The following MGLL variants were observed in gnomAD, a reference collection of about 807,000 sequenced individuals.
MGLL encodes the protein monoglyceride lipase.
MGLL carries 7 observed loss-of-function variants against 29.1 expected under a neutral mutation model. The ratio of observed to expected loss-of-function variants is 0.24; its 90% CI spans 0.14 to 0.45. The LOEUF is 0.45. Ranked by LOEUF, MGLL falls within the 20% of genes least tolerant of loss-of-function variation. The probability of loss-of-function intolerance (pLI) is 0.99; values close to 1 mark genes in which losing one functional copy is unlikely to be tolerated. For synonymous variants in MGLL, 148 were observed against 168.3 expected (o/e 0.88, Z 0.93); for missense variants, 356 against 413.6 (o/e 0.86, Z 1.21).
intron 5 of MGLL, chr3:127,711,481 A>G (rs2075712485): frequency 2.6e-5 from 4 of 151,924 alleles, no homozygotes; most frequent in Admixed American, 2.0e-4. Context: ...CGGATCTCAC[A>G]CTTCTGCCTT....
At chr3:127,718,418 A>C (rs1253427329) in intron 5 of MGLL, among the ~76,000 whole-genome samples, 1 of 152,124 alleles carries the variant, frequency 6.6e-6, no homozygotes, top group African/African-American at 2.4e-5. Flanking sequence ...TAGAGGGAGG[A>C]GGTGGGCTCT....
chr3:127,763,685 T>C (rs2076805312), intron 3 of MGLL, among the ~76,000 whole-genome samples: 1 of 152,202 alleles, frequency 6.6e-6, no homozygotes, highest in Admixed American at 6.5e-5. Flanking sequence ...TCGGCCACTG[T>C]GGTCCTTCCC....
chr3:127,788,195 CAG>C (rs2077245386), intron 2 of MGLL, among the ~76,000 whole-genome samples: 1 of 152,194 alleles, frequency 6.6e-6, no homozygotes, highest in African/African-American at 2.4e-5. Context: ...CTGCCTGGTA[CAG>C]AGTTAGGCAT....
chr3:127,812,737 C>G (rs2077686003), intron 2 of MGLL, among the ~76,000 whole-genome samples: 1 of 152,162 alleles, frequency 6.6e-6, no homozygotes, highest in Non-Finnish European at 1.5e-5. Flanking sequence ...TCAGGGAGCC[C>G]ACATTTCTCT....
chr3:127,815,083 G>C (rs1385592415), intron 2 of MGLL, among the ~76,000 whole-genome samples: 3 of 152,174 alleles, frequency 2.0e-5, no homozygotes, highest in African/African-American at 7.2e-5. Flanking sequence ...TGTGGGGAGA[G>C]GGTGTAAGCT....
intron 6 of MGLL, among the ~76,000 whole-genome samples, chr3:127,706,849 A>C (rs1442943341): frequency 2.0e-5 from 3 of 152,210 alleles, no homozygotes; most frequent in African/African-American, 7.2e-5. Context: ...GGGAGGCTGA[A>C]GCCCATCTTT....
chr3:127,716,559 G>A (rs934057149), intron 5 of MGLL, among the ~76,000 whole-genome samples: 1 of 152,272 alleles, frequency 6.6e-6, no homozygotes, highest in Non-Finnish European at 1.5e-5. Flanking sequence ...TGATGAGCAA[G>A]AGGCTTGAGG....
chr3:127,764,765 T>C (rs2076827061), intron 3 of MGLL, among the ~76,000 whole-genome samples: 1 of 152,232 alleles, frequency 6.6e-6, no homozygotes, highest in Non-Finnish European at 1.5e-5. Context: ...AAACTGTGAC[T>C]GGAGTCAAAT....
intron 4 of MGLL, among the ~76,000 whole-genome samples, chr3:127,721,658 C>A (rs575835904): frequency 6.6e-6 from 1 of 152,136 alleles, no homozygotes; most frequent in South Asian, 2.1e-4. Context: ...AGGAGAGAGG[C>A]CTCACCTGTT....
At chr3:127,760,170 A>G (rs2076738344) in intron 3 of MGLL, among the ~76,000 whole-genome samples, 1 of 152,190 alleles carries the variant, frequency 6.6e-6, no homozygotes, top group African/African-American at 2.4e-5. Flanking sequence ...TGGGACATTG[A>G]GTTTGTGTGG....
At chr3:127,799,989 G>A (rs2077448710) in intron 2 of MGLL, among the ~76,000 whole-genome samples, 1 of 152,200 alleles carries the variant, frequency 6.6e-6, no homozygotes, top group Non-Finnish European at 1.5e-5. Flanking sequence ...AGACTTCCCT[G>A]CAGCTAGGTG....
At chr3:127,798,122 C>T (rs2077415854) in intron 2 of MGLL, among the ~76,000 whole-genome samples, 1 of 152,218 alleles carries the variant, frequency 6.6e-6, no homozygotes, top group Non-Finnish European at 1.5e-5. Context: ...TACCTACTAA[C>T]AGTCAAAGAC....
At chr3:127,798,467 G>A (rs951644455) in intron 2 of MGLL, among the ~76,000 whole-genome samples, 3 of 152,174 alleles carry the variant, frequency 2.0e-5, no homozygotes, top group Admixed American at 6.5e-5. Flanking sequence ...CTGTCCTCTT[G>A]TGGAGCTGCC....
intron 5 of MGLL, among the ~76,000 whole-genome samples, chr3:127,718,755 G>A (rs1353197282): frequency 2.0e-5 from 3 of 152,138 alleles, no homozygotes; most frequent in Admixed American, 6.5e-5. Flanking sequence ...TGCTGCCCAC[G>A]CCAACCGGGA....
intron 3 of MGLL, among the ~76,000 whole-genome samples, chr3:127,747,107 G>A (rs1161468701): frequency 6.6e-6 from 1 of 152,154 alleles, no homozygotes; most frequent in Non-Finnish European, 1.5e-5. Flanking sequence ...CCACTTAAGT[G>A]GACATAAGGA....
intron 2 of MGLL, among the ~76,000 whole-genome samples, chr3:127,810,979 G>C (rs1414909121): frequency 6.7e-6 from 1 of 149,288 alleles, no homozygotes; most frequent in Non-Finnish European, 1.5e-5. Flanking sequence ...CCAAACTGGT[G>C]AAAGTACAGC....
chr3:127,710,993 T>G (rs1370743550), intron 5 of MGLL: 6 of 393,666 alleles, frequency 1.5e-5, no homozygotes, highest in Admixed American at 3.6e-5. Flanking sequence ...TGGCAAGAGT[T>G]GCCTGGGATG....
intron 2 of MGLL, among the ~76,000 whole-genome samples, chr3:127,807,996 G>A (rs1223771601): frequency 3.3e-5 from 5 of 151,852 alleles, no homozygotes; most frequent in South Asian, 4.1e-4. Flanking sequence ...TCCTGACCTC[G>A]TGATCCACCC....
chr3:127,759,689 C>T (rs2076729470), intron 3 of MGLL, among the ~76,000 whole-genome samples: 1 of 152,240 alleles, frequency 6.6e-6, no homozygotes, highest in Non-Finnish European at 1.5e-5. Flanking sequence ...ACTCTTGGTT[C>T]TCGTGTGGAC....
Sources: allele counts gnomAD v4.1 joint callset (sites outside exome capture counted in the v4.1 genomes callset), GRCh38; gene constraint gnomAD v4.1.1; transcripts MANE v1.5; gene names NCBI Gene and HGNC (gene_info 2026-07-23, HGNC 2026-07-21).